The following MOB3C variants were observed in gnomAD, a reference collection of about 807,000 sequenced individuals.
MOB3C encodes MOB1, Mps One Binder kinase activator-like 2C.
Under a neutral mutation model 19.8 loss-of-function variants are expected in MOB3C, and 17 were observed. The observed-to-expected ratio is 0.86, with a 90% CI of 0.59 to 1.29. The LOEUF is 1.29. MOB3C is among the 50% of genes most tolerant of loss of function. The probability of loss-of-function intolerance (pLI) is 0.00; values close to 1 mark genes in which losing one functional copy is unlikely to be tolerated. For synonymous variants in MOB3C, 101 were observed against 119.2 expected (o/e 0.85, Z 0.99); for missense variants, 291 against 301.9 (o/e 0.96, Z 0.27).
At chr1:46,612,672 AAGAAAG>A (rs775576725) in intron 2 of MOB3C, among the ~76,000 whole-genome samples, 6 of 109,522 alleles carry the variant, frequency 5.5e-5, no homozygotes, top group Admixed American at 2.5e-4. Flanking sequence ...AAAAAAAAAA[AAGAAAG>A]AAAGAAAGAA....
chr1:46,614,994 A>G, intron 1 of MOB3C: 1 of 1,612,268 alleles, frequency 6.2e-7, no homozygotes, highest in African/African-American at 1.3e-5. Context: ...CATCTCATCC[A>G]TCCCGACTCT....
chr1:46,611,009 G>A lies in MOB3C; in HGVS notation c.419-805C>T, dbSNP rs1180794349. On this transcript the variant is annotated intron_variant, in intron 2 of 3. Transcript: ENST00000319928. The surrounding 1 kb of genome is among the most constrained non-coding windows in gnomAD (Gnocchi z 4.1). ...TCAAGGCCTTTCATGATCTTATCCT[G>A]ACCTCCCTCTCTAGCCCCACCCCAT... 1.3e-5 allele frequency among the ~76,000 whole-genome samples: 2 copies of A among 152,112 alleles called. No homozygotes were observed. Among genetic ancestry groups the A allele is most frequent in the Admixed American group, 6.5e-5 (1 of 15,274 alleles).
rs1675503142 is a variant in MOB3C at position 46,613,189 on chromosome 1, G to A, written c.133C>T (p.Arg45Cys). 6.2e-7 allele frequency: 1 copy of A among 1,614,230 alleles called. No individual in the cohort carries two copies. The highest frequency in any genetic ancestry group is 8.5e-7 in the Non-Finnish European group (1 of 1,180,038). ...QASLKSGLDLRSVVRLPPGEN... is the reference protein window; with the variant it reads ...QASLKSGLDLCSVVRLPPGEN... ...CCGGGTGGTAGCCTCACCACACTGCGCAGGTCCAGGCCCGACTTGAGAGAG... is the reference window on the plus strand; with the variant it reads ...CCGGGTGGTAGCCTCACCACACTGCACAGGTCCAGGCCCGACTTGAGAGAG... The change falls in exon 2 of 4, where the codon CGC (arginine) becomes TGC (cysteine). Residue 45 changes from arginine (R) to cysteine (C), a missense_variant. Physicochemically the swap from Arg to Cys is radical, Grantham distance 180. Transcript: ENST00000319928.
chr1:46,609,545 T>G lies in MOB3C; in HGVS notation c.*110A>C. ...CAGAAGTCCAGAGGCTTTGGGTGTG[T>G]GGAGTGATTCCAGTGCCTTCAGATT... On this transcript the variant is annotated 3_prime_UTR_variant, in exon 4 of 4. Transcript: ENST00000319928. 1 of 1,366,570 alleles carries G rather than the reference T, an allele frequency of 7.3e-7. No homozygotes were observed. Among genetic ancestry groups the G allele is most frequent in the South Asian group, 1.2e-5 (1 of 84,158 alleles). 84.7% of individuals were successfully genotyped at this position (1,366,570 alleles called of 1,614,324 possible). A position where few individuals can be genotyped will look rare whatever the true frequency, so the allele number is the denominator to read the frequency against.
chr1:46,613,414 TATC>T, intron 1 of MOB3C, 43 bp from the exon 2 acceptor site: 1 of 1,517,186 alleles, frequency 6.6e-7, no homozygotes, highest in Non-Finnish European at 8.9e-7. Context: ...GTCAAGGCCT[TATC>T]ATCTGGGCTC....
Position 46,609,367 on chromosome 1 carries a change from T to A in MOB3C, c.*288A>T. 1.9e-6 allele frequency: 1 copy of A among 521,452 alleles called. No individual in the cohort carries two copies. The highest frequency in any genetic ancestry group is 3.5e-6 in the Non-Finnish European group (1 of 287,510). The allele number at this position is 521,452 out of a possible 1,614,324, so 32.3% of individuals were successfully genotyped here. On this transcript the variant is annotated 3_prime_UTR_variant, in exon 4 of 4. Coordinates refer to ENST00000319928, the MANE Select transcript of MOB3C (RefSeq NM_201403.3). ...AGGCTTGGGAACCAGCATGGAAGGG[T>A]CAAGTGTCATAGAAGAAACCCCCTA...
chr1:46,609,774 T>TAG, intron 3 of MOB3C, 90 bp from the exon 4 acceptor site: 1 of 1,546,278 alleles, frequency 6.5e-7, no homozygotes. Context: ...TGCTCTTCTG[T>TAG]CTGAGCCTGG....
In MOB3C at chr1:46,613,094, G is replaced by T. The variant is rs1675500931; in HGVS notation, c.228C>A (p.Gly76=). Residue 76 remains glycine (G), a synonymous_variant, in exon 2 of 4, where the codon GGC becomes GGA. Coordinates refer to ENST00000319928, the MANE Select transcript of MOB3C (RefSeq NM_201403.3). ...DFFNRINLIY[G]TMAERCSETS... is the part of the protein sequence containing the mutation. ...TCTCACTGCAGCGCTCCGCCATAGT[G>T]CCGTAGATGAGGTTGATGCGGTTGA... 6.2e-7 allele frequency: 1 copy of T among 1,614,116 alleles called. No individual in the cohort carries two copies. Among genetic ancestry groups the T allele is most frequent in the Non-Finnish European group, 8.5e-7 (1 of 1,180,042 alleles).
In MOB3C at chr1:46,610,385, T is replaced by G. The variant is rs115832175; in HGVS notation, c.419-181A>C. ...CCCATACTTTTCTTTCTTTCTTCCTTTCTTTTTTTCTTTCCTTTTTGAGAC... is the reference window on the plus strand; with the variant it reads ...CCCATACTTTTCTTTCTTTCTTCCTGTCTTTTTTTCTTTCCTTTTTGAGAC... On this transcript the variant is annotated intron_variant, in intron 2 of 3. Transcript: ENST00000319928. Among the ~76,000 whole-genome samples, 148 of 152,352 alleles carry G rather than the reference T, an allele frequency of 9.7e-4. 2 individuals are homozygous for G. The highest frequency in any genetic ancestry group is 3.4e-3 in the African/African-American group (143 of 41,578).
chr1:46,613,538 T>C (rs1675510887), intron 1 of MOB3C, 167 bp from the exon 2 acceptor site: 1 of 652,848 alleles, frequency 1.5e-6, no homozygotes, highest in Non-Finnish European at 2.6e-6. Context: ...CCGCCCTCTT[T>C]CCAGGCTATG....
In MOB3C at chr1:46,613,151, G is replaced by C. The variant is rs1288853970; in HGVS notation, c.171C>G (p.Asp57Glu). Residue 57 changes from aspartate (D) to glutamate (E), a missense_variant, in exon 2 of 4, where the codon GAC (aspartate) becomes GAG (glutamate). Asp to Glu is a conservative substitution (Grantham distance 45). Coordinates refer to ENST00000319928, the MANE Select transcript of MOB3C (RefSeq NM_201403.3). ...VVRLPPGENI[D>E]DWIAVHVVDF... ...CCACCACGTGCACGGCGATCCAGTC[G>C]TCGATGTTCTCCCCGGGTGGTAGCC... The C allele has an allele frequency of 1.2e-6, 2 of 1,614,250 alleles. No homozygotes were observed. The highest frequency in any genetic ancestry group is 1.1e-5 in the South Asian group (1 of 91,090).
rs1675469394 is a variant in MOB3C at position 46,611,435 on chromosome 1, A to C, written c.419-1231T>G. On this transcript the variant is annotated intron_variant, in intron 2 of 3. Transcript: ENST00000319928. This position sits in a 1 kb window ranked among gnomAD's most constrained non-coding sequence, Gnocchi z 4.1. ...GCATAGTCCCCCATGCTCAAGGCAG[A>C]GATCTTGGTGGCTTATGCCCTCTTC... is the stretch of plus-strand genomic sequence containing the variant. Among the ~76,000 whole-genome samples, 1 of 152,236 alleles carries C rather than the reference A, an allele frequency of 6.6e-6. No individual in the cohort carries two copies. Among genetic ancestry groups the C allele is most frequent in the Admixed American group, 6.5e-5 (1 of 15,284 alleles).
chr1:46,608,508 A>G lies in MOB3C; in HGVS notation c.*1147T>C, dbSNP rs746317290. On this transcript the variant is annotated 3_prime_UTR_variant, in exon 4 of 4. Transcript: ENST00000319928. This position sits in a 1 kb window ranked among gnomAD's most constrained non-coding sequence, Gnocchi z 4.5. ...GTGGATAGCTGTGCTGTGAGATCCA[A>G]CTGGCTGGAATGTGTCAGGGATGGC... 6.5e-6 allele frequency: 1 copy of G among 152,772 alleles called. No individual in the cohort carries two copies. The highest frequency in any genetic ancestry group is 1.5e-5 in the Non-Finnish European group (1 of 68,114). The allele number at this position is 152,772 out of a possible 1,614,324, so 9.5% of individuals were successfully genotyped here.
intron 3 of MOB3C, 50 bp downstream of exon 3, chr1:46,609,952 A>C: frequency 6.2e-7 from 1 of 1,605,924 alleles, no homozygotes; most frequent in Non-Finnish European, 8.5e-7. Context: ...TTGGACGTGA[A>C]AACTCAGAGG....
chr1:46,612,767 T>A (rs1391616198), intron 2 of MOB3C, 137 bp downstream of exon 2: 23 of 807,942 alleles, frequency 2.8e-5, no homozygotes, highest in Non-Finnish European at 3.8e-5. Flanking sequence ...GCACTTAACC[T>A]GTTTCAACCT....
rs192819829 is a variant in MOB3C at position 46,611,854 on chromosome 1, G to T, written c.418+1050C>A. Among the ~76,000 whole-genome samples the T allele has an allele frequency of 1.3e-5, 2 of 152,172 alleles. No homozygotes were observed. Among genetic ancestry groups the T allele is most frequent in the Non-Finnish European group, 2.9e-5 (2 of 68,024 alleles). On this transcript the variant is annotated intron_variant, in intron 2 of 3. Transcript: ENST00000319928. The surrounding 1 kb of genome is among the most constrained non-coding windows in gnomAD (Gnocchi z 4.1). ...GCAGGCCACTGGCTGGGGAGGAGCC[G>T]TGGGCATTGAATTGTGACTCAGTGC...
At position 46,611,197 on chromosome 1, in the gene MOB3C, C is replaced by T. The variant is rs1466453189; in HGVS notation, c.419-993G>A. Among the ~76,000 whole-genome samples the T allele has an allele frequency of 6.6e-6, 1 of 152,224 alleles. No homozygotes were observed. Among genetic ancestry groups the T allele is most frequent in the Admixed American group, 6.5e-5 (1 of 15,284 alleles). On this transcript the variant is annotated intron_variant, in intron 2 of 3. Coordinates refer to ENST00000319928, the MANE Select transcript of MOB3C (RefSeq NM_201403.3). The surrounding 1 kb of genome is among the most constrained non-coding windows in gnomAD (Gnocchi z 4.1). ...AAGGCCTTGTGCTGGGCCCTTCACA[C>T]CTTTTGCCTCTAATCCTTAGAACAA...
intron 2 of MOB3C, 71 bp downstream of exon 2, chr1:46,612,833 T>C: frequency 7.0e-7 from 1 of 1,428,192 alleles, no homozygotes; most frequent in East Asian, 2.3e-5. Flanking sequence ...CTGCAGAGTG[T>C]CTATATCAAA....
At chr1:46,613,975 T>G (rs1675521538) in intron 1 of MOB3C, 1 of 146,284 alleles carries the variant, frequency 6.8e-6, no homozygotes, top group South Asian at 2.1e-4. Flanking sequence ...TGAGTGTGGC[T>G]GCAAGCACTG....
Sources: gnomAD v4.1 joint callset for allele counts (sites outside exome capture counted in the v4.1 genomes callset) on GRCh38, gnomAD v4.1.1 for gene constraint, Gnocchi (gnomAD v3.1) non-coding constraint, MANE v1.5 for transcripts, NCBI Gene and HGNC (gene_info 2026-07-23, HGNC 2026-07-21) for gene names.